The following RIPOR2 variants were observed in gnomAD, a reference collection of about 807,000 sequenced individuals.
The protein encoded by RIPOR2 is rho family-interacting cell polarization regulator 2.
In RIPOR2, 39 loss-of-function variants were observed where a neutral mutation model predicts 114.5. That is an observed-to-expected ratio of 0.34 (90% confidence interval 0.26 to 0.44). The LOEUF (loss-of-function observed/expected upper bound fraction) is 0.44. Among genes scored for constraint, RIPOR2 ranks in the 20% least tolerant of loss-of-function variants. The pLI, the probability that RIPOR2 is intolerant of heterozygous loss-of-function variation, is 1.00. For missense variants in RIPOR2, 1,007 were observed against 1,255.1 expected, an observed-to-expected ratio of 0.80 and a Z score of 2.99; for synonymous variants, 445 against 484.4, an observed-to-expected ratio of 0.92 and a Z score of 1.07.
chr6:24,861,033 T>C lies in RIPOR2; in HGVS notation c.655A>G (p.Met219Val). ...TCTAGCTCCACTTCAATGGTGCACATATTCTGCAAAGAGGACAGGAGACGA... is the reference window on the plus strand; with the variant it reads ...TCTAGCTCCACTTCAATGGTGCACACATTCTGCAAAGAGGACAGGAGACGA... Reference protein sequence around the residue: ...NRSFKEYTENMCTIEVELENL... With the variant: ...NRSFKEYTENVCTIEVELENL... Residue 219 changes from methionine (M) to valine (V), a missense_variant, in exon 8 of 22, where the codon ATG becomes GTG. Physicochemically the swap from Met to Val is conservative, Grantham distance 21. Coordinates refer to ENST00000643898, the MANE Select transcript of RIPOR2 (RefSeq NM_001286445.3). 1 of 1,608,536 alleles carries C rather than the reference T, an allele frequency of 6.2e-7. No individual in the cohort carries two copies. Among genetic ancestry groups the C allele is most frequent in the Non-Finnish European group, 8.5e-7 (1 of 1,175,852 alleles).
intron 1 of RIPOR2, among the ~76,000 whole-genome samples, chr6:24,899,007 A>G (rs887795266): frequency 8.6e-5 from 12 of 139,422 alleles, no homozygotes; most frequent in Admixed American, 3.8e-4. Context: ...TCTCTCAATT[A>G]CTAGGTGTGA....
intron 1 of RIPOR2, among the ~76,000 whole-genome samples, chr6:25,001,326 GT>G (rs1775305530): frequency 6.6e-6 from 1 of 152,052 alleles, no homozygotes; most frequent in Non-Finnish European, 1.5e-5. Flanking sequence ...AACTTTTTCT[GT>G]AAAAGATCAG....
At chr6:25,012,547 A>T (rs2113681716) in intron 1 of RIPOR2, among the ~76,000 whole-genome samples, 1 of 152,358 alleles carries the variant, frequency 6.6e-6, no homozygotes, top group African/African-American at 2.4e-5. Context: ...TGTCTATAAA[A>T]AGGATGAAAG....
At position 24,847,523 on chromosome 6, in the gene RIPOR2, C is replaced by A. The variant is rs140804253; in HGVS notation, c.1164+502G>T. 101 of 1,548,926 alleles carry A rather than the reference C, an allele frequency of 6.5e-5. No homozygotes were observed. Among genetic ancestry groups the A allele is most frequent in the Middle Eastern group, 1.7e-4 (1 of 5,844 alleles). On this transcript the variant is annotated intron_variant, in intron 12 of 21. Transcript: ENST00000643898. ...GCCCCAGAAGTCAAGCACTCCATAC[C>A]CGGGCAGGCCACACTCACATAGAGC...
chr6:24,954,456 C>CTCTT (rs1772936229), intron 1 of RIPOR2, among the ~76,000 whole-genome samples: 5 of 132,390 alleles, frequency 3.8e-5, no homozygotes, highest in South Asian at 2.4e-4. Flanking sequence ...TCTCTCTCTC[C>CTCTT]TTTTTTTTTT....
intron 1 of RIPOR2, among the ~76,000 whole-genome samples, chr6:24,965,178 T>G (rs1340871728): frequency 6.6e-6 from 1 of 152,078 alleles, no homozygotes; most frequent in East Asian, 1.9e-4. Flanking sequence ...AGGGTCTTGC[T>G]CTGTTGCCCA....
At chr6:24,964,147 C>CTGTGTG (rs70974955) in intron 1 of RIPOR2, among the ~76,000 whole-genome samples, 38,546 of 146,436 alleles carry the variant, frequency 0.26, 5,544 homozygotes, top group Non-Finnish European at 0.33. Flanking sequence ...GACATTGGCT[C>CTGTGTG]TGTGTGTGTG....
intron 1 of RIPOR2, among the ~76,000 whole-genome samples, chr6:24,943,763 A>G (rs1468240264): frequency 6.6e-6 from 1 of 152,098 alleles, no homozygotes; most frequent in East Asian, 1.9e-4. Context: ...AGCTATTGGA[A>G]TGGTTGCAGA....
At chr6:24,933,168 C>A (rs545723908) in intron 1 of RIPOR2, among the ~76,000 whole-genome samples, 1 of 152,190 alleles carries the variant, frequency 6.6e-6, no homozygotes, top group Non-Finnish European at 1.5e-5. Context: ...TATTTTGAAT[C>A]TGAGGTTAAC....
At chr6:25,025,289 T>G (rs1265273698) in intron 1 of RIPOR2, among the ~76,000 whole-genome samples, 2 of 152,198 alleles carry the variant, frequency 1.3e-5, no homozygotes, top group African/African-American at 2.4e-5. Context: ...TATTTAGCTT[T>G]AGGATTCTTC....
chr6:24,824,350 G>A (rs780144829), intron 19 of RIPOR2, among the ~76,000 whole-genome samples: 5 of 152,180 alleles, frequency 3.3e-5, no homozygotes, highest in Non-Finnish European at 2.9e-5. Context: ...ATTTTCTTGT[G>A]AGTACACAAA....
chr6:25,025,252 G>GAA (rs34646697), intron 1 of RIPOR2, among the ~76,000 whole-genome samples: 1 of 152,108 alleles, frequency 6.6e-6, no homozygotes, highest in African/African-American at 2.4e-5. Context: ...GTCAAGGGGG[G>GAA]AAAAAGGTAA....
chr6:25,011,819 A>G (rs1306858455), intron 1 of RIPOR2, among the ~76,000 whole-genome samples: 2 of 152,228 alleles, frequency 1.3e-5, no homozygotes, highest in Non-Finnish European at 2.9e-5. Flanking sequence ...ACCTGGCGTT[A>G]TGTAATGATT....
At chr6:24,974,176 G>T (rs1248514358) in intron 1 of RIPOR2, among the ~76,000 whole-genome samples, 3 of 152,146 alleles carry the variant, frequency 2.0e-5, no homozygotes, top group Non-Finnish European at 2.9e-5. Flanking sequence ...TTGAGCCCAG[G>T]AGTTAGAGAC....
At chr6:24,881,850 A>G (rs1020206750) in intron 1 of RIPOR2, among the ~76,000 whole-genome samples, 1 of 152,178 alleles carries the variant, frequency 6.6e-6, no homozygotes, top group African/African-American at 2.4e-5. Flanking sequence ...TGAAGATAGA[A>G]GGGGGCTGAA....
intron 1 of RIPOR2, among the ~76,000 whole-genome samples, chr6:24,949,991 C>T (rs1772667207): frequency 6.6e-6 from 1 of 152,188 alleles, no homozygotes; most frequent in African/African-American, 2.4e-5. Context: ...GCTCCACTCT[C>T]TCACTATATT....
At chr6:24,827,985 T>C (rs1760332433) in intron 18 of RIPOR2, among the ~76,000 whole-genome samples, 152 bp downstream of exon 18, 1 of 152,210 alleles carries the variant, frequency 6.6e-6, no homozygotes, top group African/African-American at 2.4e-5. Flanking sequence ...TCACTAATGT[T>C]AAAAGTCCAA....
At chr6:24,907,152 A>T (rs2114045451) in intron 1 of RIPOR2, among the ~76,000 whole-genome samples, 1 of 152,164 alleles carries the variant, frequency 6.6e-6, no homozygotes, top group South Asian at 2.1e-4. Flanking sequence ...TTCCTCTGAG[A>T]CTCCTCTCTC....
chr6:24,937,848 C>A (rs980249974), upstream of RIPOR2, among the ~76,000 whole-genome samples: 1 of 152,140 alleles, frequency 6.6e-6, no homozygotes, highest in Non-Finnish European at 1.5e-5. Flanking sequence ...GTCTGGACAA[C>A]TTATGGGAGT....
Sources: gnomAD v4.1 joint callset for allele counts (sites outside exome capture counted in the v4.1 genomes callset) on GRCh38, gnomAD v4.1.1 for gene constraint, MANE v1.5 for transcripts, NCBI Gene and HGNC (gene_info 2026-07-23, HGNC 2026-07-21) for gene names.